Variants in SEZ6L observed in about 807,000 individuals in gnomAD.
The protein encoded by SEZ6L is seizure 6-like protein.
In SEZ6L, 37 loss-of-function variants were observed where a neutral mutation model predicts 106.2. That is an observed-to-expected ratio of 0.35 (90% CI 0.27 to 0.46). The LOEUF is 0.46. Among genes scored for constraint, SEZ6L ranks in the 20% least tolerant of loss-of-function variants. The pLI is 1.00. For synonymous variants in SEZ6L, 541 were observed against 570.4 expected (o/e 0.95, Z 0.73); for missense variants, 1,172 against 1,332.8 (o/e 0.88, Z 1.88).
rs575345762 is a variant in SEZ6L, at chr22:26,321,403, A to C, written c.2015+7501A>C. Among the ~76,000 whole-genome samples, 6 of 152,336 alleles carry C rather than the reference A, an allele frequency of 3.9e-5. No homozygotes were observed. The East Asian group carries it at 1.2e-3, about 29-fold the overall frequency. On this transcript the variant is annotated intron_variant, in intron 9 of 16. Transcript: ENST00000248933. ...GACTCAGCAGCGCCTTGAAGGCCAC[A>C]TTAGGGAGTCTGGGCTTCCCCAAAT...
rs548359172 is a variant in SEZ6L at position 26,291,543 on chromosome 22, A to G, written c.95-863A>G. 4.6e-5 allele frequency among the ~76,000 whole-genome samples: 7 copies of G among 152,296 alleles called. No homozygotes were observed. The East Asian group carries it at 1.2e-3, about 25-fold the overall frequency. ...TAGGTGCAGCAAACCACCATGGCAC[A>G]TGTTTACCTACATAACAAACCTGCA... On this transcript the variant is annotated intron_variant, in intron 1 of 16. Coordinates refer to ENST00000248933, the MANE Select transcript of SEZ6L (RefSeq NM_021115.5).
At chr22:26,205,093 A>C (rs1433663698) in intron 1 of SEZ6L, among the ~76,000 whole-genome samples, 1 of 152,200 alleles carries the variant, frequency 6.6e-6, no homozygotes, top group African/African-American at 2.4e-5. Flanking sequence ...TATAACTGGC[A>C]AATAAATCTC....
In SEZ6L at chr22:26,340,656, TA is replaced by T. The variant is rs1172516059; in HGVS notation, c.2212+25del. 1.9e-6 allele frequency: 3 copies of T among 1,585,750 alleles called. No individual in the cohort carries two copies. In the South Asian group the frequency reaches 3.5e-5, roughly 18 times the overall value. On this transcript the variant is annotated intron_variant, in intron 10 of 16. Transcript: ENST00000248933. ...AGGTAGGTGTCTCATCTGGTCAATTTATTTTTTCTTTGTGTTTAGATACAGG... is the reference window on the plus strand; with the variant it reads ...AGGTAGGTGTCTCATCTGGTCAATTTTTTTTTCTTTGTGTTTAGATACAGG...
chr22:26,207,398 C>T (rs930637183), intron 1 of SEZ6L, among the ~76,000 whole-genome samples: 7 of 152,188 alleles, frequency 4.6e-5, no homozygotes, highest in Admixed American at 2.6e-4. Flanking sequence ...TCAATTTCTT[C>T]ATCAATGAAA....
Position 26,347,900 on chromosome 22 carries a change from A to T in SEZ6L, c.2394A>T (p.Pro798=), listed in dbSNP as rs116806899. The part of the protein sequence containing the change: ...QWDLSWSSDP[P]FCEKIMYCTD... The stretch of plus-strand genomic sequence containing the variant: ...ACCTCAGCTGGAGCAGCGACCCCCC[A>T]TTTTGTGAGAAAAGTAAGAGTGGTC... The change falls in exon 11 of 17, where the codon CCA becomes CCT. Residue 798 remains proline, a synonymous_variant. Coordinates refer to ENST00000248933, the MANE Select transcript of SEZ6L (RefSeq NM_021115.5). 1,491 of 1,568,598 alleles carry T rather than the reference A, an allele frequency of 9.5e-4. 20 individuals are homozygous for T. In the African/African-American group the frequency reaches 0.019, roughly 20 times the overall value.
intron 6 of SEZ6L, among the ~76,000 whole-genome samples, chr22:26,308,956 C>G (rs2081728386): frequency 6.6e-6 from 1 of 152,190 alleles, no homozygotes; most frequent in Admixed American, 6.5e-5. Context: ...TGTAGATGCC[C>G]CTTCCCACTC....
intron 13 of SEZ6L, among the ~76,000 whole-genome samples, chr22:26,366,020 T>G (rs528453417): frequency 7.2e-5 from 11 of 152,320 alleles, no homozygotes; most frequent in African/African-American, 2.6e-4. Context: ...TGGCTTAGCA[T>G]TTTTATTTTT....
chr22:26,305,270 C>T (rs1601443967), intron 5 of SEZ6L, among the ~76,000 whole-genome samples: 1 of 152,138 alleles, frequency 6.6e-6, no homozygotes, highest in Admixed American at 6.5e-5. Flanking sequence ...TGAATATCCT[C>T]ATTCCTAACT....
Position 26,252,222 on chromosome 22 carries a change from G to A in SEZ6L, c.95-40184G>A, listed in dbSNP as rs549554152. Among the ~76,000 whole-genome samples, 8 of 152,242 alleles carry A rather than the reference G, an allele frequency of 5.3e-5. No individual in the cohort carries two copies. The South Asian group carries it at 1.7e-3, about 32-fold the overall frequency. ...GACTAGAGAATGAAAAAAGGAAAGG[G>A]TTGGGCTAAGAAAAGGGTAACCTAA... On this transcript the variant is annotated intron_variant, in intron 1 of 16. Transcript: ENST00000248933.
At chr22:26,334,429 G>A (rs2082584184) in intron 9 of SEZ6L, among the ~76,000 whole-genome samples, 1 of 152,144 alleles carries the variant, frequency 6.6e-6, no homozygotes, top group African/African-American at 2.4e-5. Flanking sequence ...TGTTTCCGAG[G>A]TTCACCTGTG....
chr22:26,313,975 T>C, intron 9 of SEZ6L, 73 bp downstream of exon 9: 4 of 1,481,456 alleles, frequency 2.7e-6, no homozygotes, highest in Non-Finnish European at 2.8e-6. Flanking sequence ...GCTCCTGCTT[T>C]ATTCTTTCAA....
chr22:26,267,286 G>C (rs905560422), intron 1 of SEZ6L, among the ~76,000 whole-genome samples: 3 of 152,288 alleles, frequency 2.0e-5, no homozygotes, highest in Non-Finnish European at 4.4e-5. Flanking sequence ...TACCAAGCTT[G>C]GCTGTCACTG....
chr22:26,257,439 CCTGT>C (rs1292268243), intron 1 of SEZ6L, among the ~76,000 whole-genome samples: 1 of 152,176 alleles, frequency 6.6e-6, no homozygotes, highest in African/African-American at 2.4e-5. Flanking sequence ...ACTCCTAATT[CCTGT>C]CTATTAATTT....
chr22:26,321,150 A>G (rs2082142227), intron 9 of SEZ6L, among the ~76,000 whole-genome samples: 1 of 152,228 alleles, frequency 6.6e-6, no homozygotes, highest in Admixed American at 6.5e-5. Flanking sequence ...CATCCCAAGC[A>G]GTTACATCCT....
chr22:26,215,022 G>T (rs927899386), intron 1 of SEZ6L, among the ~76,000 whole-genome samples: 1 of 152,196 alleles, frequency 6.6e-6, no homozygotes, highest in Non-Finnish European at 1.5e-5. Context: ...AATGAAAGTG[G>T]TACATACTTT....
At position 26,285,649 on chromosome 22, in the gene SEZ6L, AG is replaced by A. The variant is rs544441496; in HGVS notation, c.95-6754del. ...TGCTGGCATCTAGTGGGTAGAAGCTAGGGATGCTGCTCCGTTTCCTACAACG... is the reference window on the plus strand; with the variant it reads ...TGCTGGCATCTAGTGGGTAGAAGCTAGGATGCTGCTCCGTTTCCTACAACG... On this transcript the variant is annotated intron_variant, in intron 1 of 16. Transcript: ENST00000248933. Among the ~76,000 whole-genome samples the A allele has an allele frequency of 5.3e-3, 803 of 152,320 alleles. 3 individuals are homozygous for A. The highest frequency in any genetic ancestry group is 8.6e-3 in the Non-Finnish European group (586 of 68,016).
chr22:26,358,450 TCAC>T (rs1484898952), intron 12 of SEZ6L, among the ~76,000 whole-genome samples: 2 of 152,202 alleles, frequency 1.3e-5, no homozygotes, highest in African/African-American at 4.8e-5. Flanking sequence ...TGGCTGCTAA[TCAC>T]CACTCTGTTT....
intron 9 of SEZ6L, among the ~76,000 whole-genome samples, chr22:26,317,418 T>C (rs1007239168): frequency 2.0e-5 from 3 of 151,326 alleles, no homozygotes; most frequent in African/African-American, 7.3e-5. Flanking sequence ...TCCCCTCTCT[T>C]CTGCTTGGCT....
chr22:26,219,596 A>G (rs1244330969), intron 1 of SEZ6L, among the ~76,000 whole-genome samples: 1 of 152,228 alleles, frequency 6.6e-6, no homozygotes, highest in Non-Finnish European at 1.5e-5. Context: ...GCATTTTTAA[A>G]AATCTGAGGC....
Sources: gnomAD v4.1 joint callset for allele counts (sites outside exome capture counted in the v4.1 genomes callset) on GRCh38, gnomAD v4.1.1 for gene constraint, MANE v1.5 for transcripts, NCBI Gene and HGNC (gene_info 2026-07-23, HGNC 2026-07-21) for gene names.